Variants in TBC1D1 observed in about 807,000 individuals in gnomAD.
The protein encoded by TBC1D1 is TBC1 (tre-2/USP6, BUB2, cdc16) domain family, member 1.
Under a neutral mutation model 125.6 loss-of-function variants are expected in TBC1D1, and 89 were observed. The observed-to-expected ratio is 0.71, with a 90% CI of 0.60 to 0.85. The LOEUF (loss-of-function observed/expected upper bound fraction) is 0.85. Ranked by LOEUF, TBC1D1 falls within the 40% of genes least tolerant of loss-of-function variation. TBC1D1 has a pLI of 0.00. For missense variants in TBC1D1, 1,377 were observed against 1,469.2 expected, an observed-to-expected ratio of 0.94 and a Z score of 1.03; for synonymous variants, 565 against 564.1, an observed-to-expected ratio of 1.00 and a Z score of -0.02.
chr4:38,061,065 A>G (rs141200127), intron 12 of TBC1D1, among the ~76,000 whole-genome samples: 3 of 152,352 alleles, frequency 2.0e-5, no homozygotes, highest in African/African-American at 7.2e-5. Context: ...CTGTCTGAAG[A>G]AGCAAAGAGT....
At chr4:37,911,281 G>A (rs924543607) in intron 2 of TBC1D1, among the ~76,000 whole-genome samples, 5 of 152,040 alleles carry the variant, frequency 3.3e-5, no homozygotes, top group Non-Finnish European at 7.4e-5. Flanking sequence ...TACTGAAGTA[G>A]CTAAATCTCT....
At chr4:37,893,007 A>C (rs942734985) in intron 1 of TBC1D1, among the ~76,000 whole-genome samples, 1 of 152,150 alleles carries the variant, frequency 6.6e-6, no homozygotes, top group Non-Finnish European at 1.5e-5. Flanking sequence ...CAGATCTTCT[A>C]GGATCTTCTA....
chr4:37,937,189 C>G (rs1250005589), intron 2 of TBC1D1, among the ~76,000 whole-genome samples: 1 of 152,172 alleles, frequency 6.6e-6, no homozygotes, highest in Non-Finnish European at 1.5e-5. Flanking sequence ...TGACATTATT[C>G]CTTCGAGACT....
rs747433831 is a variant in TBC1D1 at position 38,014,817 on chromosome 4, C to G, written c.726C>G (p.Arg242=). 1.2e-6 allele frequency: 2 copies of G among 1,611,340 alleles called. No homozygotes were observed. Among genetic ancestry groups the G allele is most frequent in the South Asian group, 1.1e-5 (1 of 91,030 alleles). ...AGTCCTTCTCCCAGCCCGGCCTGCG[C>G]TCGCTGGCCTTTAGGAAGGAGCTGC... Residue 242 remains arginine, a synonymous_variant, in exon 3 of 20, where the codon CGC becomes CGG. Transcript: ENST00000261439. The surrounding 1 kb of genome is among the most constrained non-coding windows in gnomAD (Gnocchi z 5.1).
In TBC1D1 at chr4:38,045,820, A is replaced by G. The variant is rs1212265961; in HGVS notation, c.1546A>G (p.Asn516Asp). ...CGACTGCCTTTTCTTTATGTAGGGT[A>G]ATAAAGCCAGAGGCCTGCAGGAACA... Residue 516 changes from asparagine (N) to aspartate (D), a missense_variant, in exon 10 of 20, where the codon AAT becomes GAT. Coordinates refer to ENST00000261439, the MANE Select transcript of TBC1D1 (RefSeq NM_015173.4). 5.6e-6 allele frequency: 9 copies of G among 1,613,770 alleles called. No individual in the cohort carries two copies. The highest frequency in any genetic ancestry group is 7.6e-6 in the Non-Finnish European group (9 of 1,179,766).
At chr4:38,058,000 T>C (rs1257409966) in intron 12 of TBC1D1, among the ~76,000 whole-genome samples, 1 of 152,214 alleles carries the variant, frequency 6.6e-6, no homozygotes, top group East Asian at 1.9e-4. Flanking sequence ...TATAGGCATC[T>C]GTGTTGGGCG....
At chr4:37,906,400 G>A (rs912133281) in intron 2 of TBC1D1, among the ~76,000 whole-genome samples, 19 of 152,152 alleles carry the variant, frequency 1.2e-4, no homozygotes, top group African/African-American at 4.6e-4. Flanking sequence ...CACCTGCCTT[G>A]GCCTCCCAAA....
intron 15 of TBC1D1, chr4:38,110,814 G>C: frequency 1.0e-6 from 1 of 985,512 alleles, no homozygotes; most frequent in Non-Finnish European, 1.2e-6. Context: ...GTTTTACCCA[G>C]CTTCCCTCGA....
At chr4:38,086,686 G>T (rs1371561091) in intron 12 of TBC1D1, among the ~76,000 whole-genome samples, 1 of 152,196 alleles carries the variant, frequency 6.6e-6, no homozygotes, top group Non-Finnish European at 1.5e-5. Context: ...GGGAGTGAAG[G>T]AGATGAGCCG....
intron 8 of TBC1D1, 109 bp downstream of exon 8, chr4:38,035,807 T>A: frequency 1.2e-6 from 1 of 808,688 alleles, no homozygotes; most frequent in Non-Finnish European, 2.0e-6. Flanking sequence ...TCTCCCTATG[T>A]TTTATTTTCC....
intron 2 of TBC1D1, among the ~76,000 whole-genome samples, chr4:37,905,215 T>C (rs1717056577): frequency 6.6e-6 from 1 of 152,202 alleles, no homozygotes; most frequent in Non-Finnish European, 1.5e-5. Context: ...TCAAAACATT[T>C]TGTGGAAAAA....
intron 8 of TBC1D1, among the ~76,000 whole-genome samples, chr4:38,041,504 A>G (rs1748369592): frequency 6.6e-6 from 1 of 152,206 alleles, no homozygotes; most frequent in South Asian, 2.1e-4. Context: ...AAGGAGCTCT[A>G]TATAAGAGAG....
intron 2 of TBC1D1, chr4:38,006,902 AG>A: frequency 2.1e-6 from 1 of 473,380 alleles, no homozygotes; most frequent in Non-Finnish European, 4.2e-6. Flanking sequence ...GCAGAATCCA[AG>A]AAACCAGAGT....
chr4:37,974,797 G>T (rs1264058002), intron 2 of TBC1D1, among the ~76,000 whole-genome samples: 1 of 152,072 alleles, frequency 6.6e-6, no homozygotes, highest in Non-Finnish European at 1.5e-5. Flanking sequence ...GACCCCAGGT[G>T]ATCTACCTGC....
At chr4:38,049,963 C>A in intron 11 of TBC1D1, 65 bp downstream of exon 11, 1 of 1,509,296 alleles carries the variant, frequency 6.6e-7, no homozygotes, top group Non-Finnish European at 9.0e-7. Context: ...CAGGTATGTG[C>A]ATCCCAGGTA....
chr4:37,893,690 G>A (rs75382358), intron 1 of TBC1D1, among the ~76,000 whole-genome samples: 1,574 of 152,280 alleles, frequency 0.01, 19 homozygotes, highest in African/African-American at 0.036. Context: ...GCCAGGCATG[G>A]TGGCATGTGC....
chr4:37,959,794 A>G (rs1290401282), intron 2 of TBC1D1, among the ~76,000 whole-genome samples: 1 of 152,226 alleles, frequency 6.6e-6, no homozygotes, highest in Non-Finnish European at 1.5e-5. Flanking sequence ...AGTCATTGCC[A>G]TAGTCCAGTA....
intron 2 of TBC1D1, among the ~76,000 whole-genome samples, chr4:37,909,200 C>G (rs1308448435): frequency 6.6e-6 from 1 of 152,202 alleles, no homozygotes; most frequent in East Asian, 1.9e-4. Flanking sequence ...CTCACCCAGC[C>G]TCTCTGGGCT....
chr4:38,065,580 A>G (rs1753575763), intron 12 of TBC1D1, among the ~76,000 whole-genome samples: 1 of 151,692 alleles, frequency 6.6e-6, no homozygotes, highest in Non-Finnish European at 1.5e-5. Flanking sequence ...TATCTTTATC[A>G]TGTATTAAGC....
Sources: allele counts gnomAD v4.1 joint callset (sites outside exome capture counted in the v4.1 genomes callset), GRCh38; gene constraint gnomAD v4.1.1; non-coding constraint Gnocchi (gnomAD v3.1); transcripts MANE v1.5; gene names NCBI Gene and HGNC (gene_info 2026-07-23, HGNC 2026-07-21).